Variants in ST8SIA4 observed in about 807,000 individuals in gnomAD.
ST8SIA4 encodes CMP-N-acetylneuraminate-poly-alpha-2,8-sialyltransferase.
ST8SIA4 carries 15 observed loss-of-function variants against 33.9 expected under a neutral mutation model. The ratio of observed to expected loss-of-function variants is 0.44; its 90% CI spans 0.30 to 0.68. ST8SIA4 has a LOEUF of 0.68. Among genes scored for constraint, ST8SIA4 ranks in the 30% least tolerant of loss-of-function variants. ST8SIA4 has a pLI of 0.10. For missense variants in ST8SIA4, 321 were observed against 428.0 expected (o/e 0.75, Z 2.21); for synonymous variants, 171 against 151.2 (o/e 1.13, Z -0.96).
chr5:100,854,349 C>T (rs549688353), intron 4 of ST8SIA4, among the ~76,000 whole-genome samples: 98 of 151,858 alleles, frequency 6.5e-4, no homozygotes, highest in Non-Finnish European at 8.8e-4. Context: ...TTTGGGAGGC[C>T]GAGGTGGGTG....
Position 100,809,337 on chromosome 5 carries a change from C to T in ST8SIA4, c.*2510G>A, listed in dbSNP as rs531159240. 1 of 78,850 alleles carries T rather than the reference C, an allele frequency of 1.3e-5. No homozygotes were observed. Among genetic ancestry groups the T allele is most frequent in the East Asian group, 3.0e-4 (1 of 3,326 alleles). The allele number at this position is 78,850 out of a possible 1,614,324, so 4.9% of individuals were successfully genotyped here. On this transcript the variant is annotated 3_prime_UTR_variant, in exon 5 of 5. Transcript: ENST00000231461. ...TGGTGGTGGGCGCCTGTAACCCCAG[C>T]TACTTGGGAGGCTGAGGCACGAGAA...
At chr5:100,886,835 G>C (rs1752548147) in intron 2 of ST8SIA4, among the ~76,000 whole-genome samples, 1 of 151,990 alleles carries the variant, frequency 6.6e-6, no homozygotes, top group South Asian at 2.1e-4. Flanking sequence ...TGTATACATA[G>C]ATATAGTATA....
intron 3 of ST8SIA4, among the ~76,000 whole-genome samples, chr5:100,873,279 G>C (rs1307289278): frequency 2.6e-5 from 4 of 152,076 alleles, no homozygotes; most frequent in Non-Finnish European, 5.9e-5. Context: ...AATTAAAAAG[G>C]AGTAAATAGA....
At chr5:100,866,559 C>G (rs1752064153) in intron 3 of ST8SIA4, among the ~76,000 whole-genome samples, 1 of 150,098 alleles carries the variant, frequency 6.7e-6, no homozygotes, top group Admixed American at 6.7e-5. Flanking sequence ...TTCAAGAATG[C>G]CAGGACCTCT....
chr5:100,816,417 A>T, intron 4 of ST8SIA4: 1 of 498,398 alleles, frequency 2.0e-6, no homozygotes, highest in South Asian at 1.5e-5. Context: ...CACATTCAAT[A>T]TATTGACAAA....
At chr5:100,867,951 AG>A (rs1752110463) in intron 3 of ST8SIA4, among the ~76,000 whole-genome samples, 1 of 151,968 alleles carries the variant, frequency 6.6e-6, no homozygotes, top group African/African-American at 2.4e-5. Context: ...ACTTATTCTA[AG>A]GGGATCATTC....
chr5:100,893,841 A>T (rs1336210657), intron 2 of ST8SIA4, among the ~76,000 whole-genome samples: 3 of 152,086 alleles, frequency 2.0e-5, no homozygotes, highest in Non-Finnish European at 2.9e-5. Context: ...TATAGCCTTA[A>T]TTGGCTCCTT....
At chr5:100,833,601 C>G (rs1464642141) in intron 4 of ST8SIA4, among the ~76,000 whole-genome samples, 2 of 151,982 alleles carry the variant, frequency 1.3e-5, no homozygotes, top group African/African-American at 4.8e-5. Flanking sequence ...AATAACAAAC[C>G]TATGTCAAAA....
chr5:100,825,680 G>T (rs1046742186), intron 4 of ST8SIA4, among the ~76,000 whole-genome samples: 5 of 152,164 alleles, frequency 3.3e-5, no homozygotes, highest in African/African-American at 7.2e-5. Flanking sequence ...GGCGTTTTAG[G>T]TCTGGCCACT....
intron 4 of ST8SIA4, among the ~76,000 whole-genome samples, chr5:100,827,376 C>T (rs1191246417): frequency 6.6e-6 from 1 of 152,144 alleles, no homozygotes; most frequent in Non-Finnish European, 1.5e-5. Context: ...GCCCCTCTCA[C>T]ATGAAAACTA....
At chr5:100,894,234 A>G (rs1366673654) in intron 2 of ST8SIA4, among the ~76,000 whole-genome samples, 1 of 152,120 alleles carries the variant, frequency 6.6e-6, no homozygotes, top group African/African-American at 2.4e-5. Context: ...TTGTCAAATC[A>G]TTCAATTTCT....
rs1448366020 is a variant in ST8SIA4, at chr5:100,808,279, T to G, written c.*3568A>C. ...TAAGCATATATGTAGAAATTCCCATTAGTAATTGATATACAATTCATATGA... is the reference window on the plus strand; with the variant it reads ...TAAGCATATATGTAGAAATTCCCATGAGTAATTGATATACAATTCATATGA... On this transcript the variant is annotated 3_prime_UTR_variant, in exon 5 of 5. Transcript: ENST00000231461. 1.3e-5 allele frequency: 2 copies of G among 152,642 alleles called. No homozygotes were observed. The highest frequency in any genetic ancestry group is 1.5e-5 in the Non-Finnish European group (1 of 68,018). The allele number at this position is 152,642 out of a possible 1,614,324, so 9.5% of individuals were successfully genotyped here. A position where few individuals can be genotyped will look rare whatever the true frequency, so the allele number is the denominator to read the frequency against.
chr5:100,854,319 C>G (rs1212541781), intron 4 of ST8SIA4, among the ~76,000 whole-genome samples: 1 of 151,812 alleles, frequency 6.6e-6, no homozygotes, highest in Non-Finnish European at 1.5e-5. Context: ...CACGGTGGCT[C>G]ATGCATGTAA....
At position 100,808,759 on chromosome 5, in the gene ST8SIA4, C is replaced by A. The variant is rs1750743740; in HGVS notation, c.*3088G>T. 1 of 152,596 alleles carries A rather than the reference C, an allele frequency of 6.6e-6. No homozygotes were observed. Among genetic ancestry groups the A allele is most frequent in the Non-Finnish European group, 1.5e-5 (1 of 68,020 alleles). The allele number at this position is 152,596 out of a possible 1,614,324, so 9.5% of individuals were successfully genotyped here. A position where few individuals can be genotyped will look rare whatever the true frequency, so the allele number is the denominator to read the frequency against. ...TTTTCTTATTCTTGCCATTAGCCTT[C>A]ATTGATCTTGCTCTGTTTCCATAAA... On this transcript the variant is annotated 3_prime_UTR_variant, in exon 5 of 5. Coordinates refer to ENST00000231461, the MANE Select transcript of ST8SIA4 (RefSeq NM_005668.6).
At chr5:100,864,574 C>CAAAAA (rs201029430) in intron 3 of ST8SIA4, among the ~76,000 whole-genome samples, 4 of 69,384 alleles carry the variant, frequency 5.8e-5, no homozygotes, top group African/African-American at 2.2e-4. Context: ...GACTCCGGCT[C>CAAAAA]AAAAAAAAAA....
intron 2 of ST8SIA4, among the ~76,000 whole-genome samples, chr5:100,888,354 G>A (rs1430139612): frequency 6.6e-6 from 1 of 151,908 alleles, no homozygotes; most frequent in Non-Finnish European, 1.5e-5. Context: ...GCAGGGGGTT[G>A]TGTTTGACTC....
At chr5:100,847,814 G>A (rs962335765) in intron 4 of ST8SIA4, among the ~76,000 whole-genome samples, 6 of 152,030 alleles carry the variant, frequency 3.9e-5, no homozygotes, top group Non-Finnish European at 8.8e-5. Context: ...TTATGGAATT[G>A]ATCATTGTGG....
intron 4 of ST8SIA4, among the ~76,000 whole-genome samples, chr5:100,824,254 A>G (rs577295189): frequency 1.3e-5 from 2 of 152,216 alleles, no homozygotes; most frequent in Non-Finnish European, 2.9e-5. Context: ...GCTAAAATGC[A>G]TGTAATACCT....
At chr5:100,884,922 T>A (rs2112471002) in intron 3 of ST8SIA4, among the ~76,000 whole-genome samples, 1 of 152,320 alleles carries the variant, frequency 6.6e-6, no homozygotes, top group East Asian at 1.9e-4. Context: ...AGACTCTATT[T>A]TCCTCCAGTA....
Sources: allele counts gnomAD v4.1 joint callset (sites outside exome capture counted in the v4.1 genomes callset), GRCh38; gene constraint gnomAD v4.1.1; transcripts MANE v1.5; gene names NCBI Gene and HGNC (gene_info 2026-07-23, HGNC 2026-07-21).